The following USH1C variants were observed in gnomAD, a reference collection of about 807,000 sequenced individuals.
The protein encoded by USH1C is USH1 protein network component harmonin.
A neutral mutation model predicts 119.3 loss-of-function variants in USH1C; 90 were observed. That is an observed-to-expected ratio of 0.75 (90% CI 0.64 to 0.90). USH1C has a LOEUF of 0.90. Ranked by LOEUF, USH1C falls within the 40% of genes least tolerant of loss-of-function variation. The probability of loss-of-function intolerance (pLI) is 0.00; values close to 1 mark genes in which losing one functional copy is unlikely to be tolerated. For synonymous variants in USH1C, 465 were observed against 443.3 expected, an observed-to-expected ratio of 1.05 and a Z score of -0.62; for missense variants, 1,165 against 1,167.7, an observed-to-expected ratio of 1.00 and a Z score of 0.03.
chr11:17,505,381 G>A (rs1308564757), intron 19 of USH1C, among the ~76,000 whole-genome samples: 1 of 152,266 alleles, frequency 6.6e-6, no homozygotes, highest in Non-Finnish European at 1.5e-5. Flanking sequence ...GTGGGCTTTG[G>A]AGTATGAAAG....
At chr11:17,497,693 C>T (rs1010521236) in intron 24 of USH1C, among the ~76,000 whole-genome samples, 3 of 152,212 alleles carry the variant, frequency 2.0e-5, no homozygotes, top group Non-Finnish European at 4.4e-5. Flanking sequence ...AAGGGCACCC[C>T]CTCAGATTAT....
chr11:17,496,342 G>A (rs1849248964), intron 25 of USH1C, among the ~76,000 whole-genome samples: 1 of 152,174 alleles, frequency 6.6e-6, no homozygotes, highest in South Asian at 2.1e-4. Flanking sequence ...CTGCCTAGAG[G>A]CACAGTATGA....
At position 17,516,521 on chromosome 11, in the gene USH1C, G is replaced by C. The variant is rs1287100662; in HGVS notation, c.1211-231C>G. The C allele has an allele frequency of 1.1e-5, 6 of 568,824 alleles. No individual in the cohort carries two copies. The Admixed American group carries it at 1.7e-4, about 16-fold the overall frequency. 35.2% of individuals were successfully genotyped at this position (568,824 alleles called of 1,614,324 possible). A position where few individuals can be genotyped will look rare whatever the true frequency, so the allele number is the denominator to read the frequency against. ...GAAAAGCCCCGGTTCCCAGGCCCTG[G>C]GTCACTCTCAAATGCCTCTCCCCAG... On this transcript the variant is annotated intron_variant, in intron 14 of 26. Transcript: ENST00000005226.
chr11:17,523,863 A>G (rs555727317), intron 9 of USH1C, among the ~76,000 whole-genome samples: 1 of 152,318 alleles, frequency 6.6e-6, no homozygotes, highest in East Asian at 1.9e-4. Context: ...ATCACTTACA[A>G]TGTGCTTGGC....
At chr11:17,523,128 C>T (rs1282273242) in intron 11 of USH1C, 83 bp downstream of exon 11, 52 of 1,604,456 alleles carry the variant, frequency 3.2e-5, no homozygotes, top group Non-Finnish European at 4.4e-5. Flanking sequence ...ACCAGCCACC[C>T]TGGGAGTGTG....
Position 17,511,823 on chromosome 11 carries a change from C to G in USH1C, c.1413+79G>C, listed in dbSNP as rs919925700. 4 of 1,522,204 alleles carry G rather than the reference C, an allele frequency of 2.6e-6. No individual in the cohort carries two copies. The African/African-American group carries it at 5.6e-5, about 21-fold the overall frequency. The allele number at this position is 1,522,204 out of a possible 1,614,324, so 94.3% of individuals were successfully genotyped here. On this transcript the variant is annotated intron_variant, in intron 16 of 26. Coordinates refer to ENST00000005226, the MANE Select transcript of USH1C (RefSeq NM_153676.4). Reference sequence around the variant, plus strand: ...TGCCATTTGAGGAGAACAACTCCAGCTGGTCCTCTGGGAGCACATGGAGAA... The same window carrying G: ...TGCCATTTGAGGAGAACAACTCCAGGTGGTCCTCTGGGAGCACATGGAGAA...
intron 19 of USH1C, among the ~76,000 whole-genome samples, chr11:17,505,571 G>A (rs146281034): frequency 2.0e-4 from 31 of 152,344 alleles, no homozygotes; most frequent in African/African-American, 7.2e-4. Context: ...GCTCTTCACA[G>A]GTCGTAGCGA....
intron 14 of USH1C, 33 bp downstream of exon 14, chr11:17,520,837 C>T: frequency 6.2e-7 from 1 of 1,613,816 alleles, no homozygotes. Context: ...TGACTAGTTC[C>T]CTTAGCCTCT....
At position 17,523,482 on chromosome 11, in the gene USH1C, G is replaced by C. The variant is rs374167444; in HGVS notation, c.760-4C>G. 2.5e-6 allele frequency: 4 copies of C among 1,614,008 alleles called. No individual in the cohort carries two copies. The highest frequency in any genetic ancestry group is 3.4e-6 in the Non-Finnish European group (4 of 1,179,980). ...CTTCGACAATCTGGTCCCCTATCTGGTGGGGAAATGGAGAAAGATTAGTGT... is the reference window on the plus strand; with the variant it reads ...CTTCGACAATCTGGTCCCCTATCTGCTGGGGAAATGGAGAAAGATTAGTGT... On this transcript the variant is annotated splice_polypyrimidine_tract_variant and splice_region_variant and intron_variant, in intron 9 of 26. Coordinates refer to ENST00000005226, the MANE Select transcript of USH1C (RefSeq NM_153676.4).
chr11:17,501,639 C>A, intron 21 of USH1C, 104 bp from the exon 22 acceptor site: 5 of 1,342,658 alleles, frequency 3.7e-6, no homozygotes, highest in Non-Finnish European at 5.2e-6. Context: ...CTGGGCCCCA[C>A]AGAGCACATG....
At chr11:17,507,889 C>T (rs1849711315) in intron 18 of USH1C, among the ~76,000 whole-genome samples, 1 of 152,228 alleles carries the variant, frequency 6.6e-6, no homozygotes, top group African/African-American at 2.4e-5. Context: ...TGTCTTCAAT[C>T]TTCAGTTAGA....
At chr11:17,506,170 A>G (rs932898464) in intron 18 of USH1C, among the ~76,000 whole-genome samples, 1 of 152,154 alleles carries the variant, frequency 6.6e-6, no homozygotes, top group African/African-American at 2.4e-5. Context: ...GAGCGGCTCT[A>G]AGAAATTGGA....
chr11:17,521,321 A>G (rs776340441), intron 13 of USH1C, 25 bp downstream of exon 13: 7 of 1,613,136 alleles, frequency 4.3e-6, no homozygotes, highest in Non-Finnish European at 5.9e-6. Context: ...TCATGCACAG[A>G]CACGCGTGGA....
At chr11:17,514,411 G>A (rs897462339) in intron 15 of USH1C, 6 of 152,190 alleles carry the variant, frequency 3.9e-5, no homozygotes, top group African/African-American at 1.2e-4. Context: ...TAGAGACAGG[G>A]TTTCACCCTG....
chr11:17,516,309 A>G lies in USH1C; in HGVS notation c.1211-19T>C, dbSNP rs2133847534. On this transcript the variant is annotated intron_variant, in intron 14 of 26. Transcript: ENST00000005226. ...CCAAAAGCTATAAGACACAGATAAC[A>G]AAATGATGAGACACAGTTCAGCTCA... The G allele has an allele frequency of 6.2e-7, 1 of 1,611,174 alleles. No individual in the cohort carries two copies.
chr11:17,498,909 A>G (rs1033438355), intron 23 of USH1C, among the ~76,000 whole-genome samples: 2 of 152,364 alleles, frequency 1.3e-5, no homozygotes, highest in South Asian at 2.1e-4. Context: ...TTGGTTCACC[A>G]TAATATCCCC....
intron 1 of USH1C, chr11:17,533,529 G>C: frequency 1.6e-6 from 1 of 644,874 alleles, no homozygotes; most frequent in Non-Finnish European, 2.8e-6. Flanking sequence ...GGCCACAGGA[G>C]TACCGCTGCC....
At chr11:17,522,683 G>A in intron 12 of USH1C, 101 bp downstream of exon 12, 1 of 1,562,422 alleles carries the variant, frequency 6.4e-7, no homozygotes, top group South Asian at 1.1e-5. Context: ...CAGGGAGGAG[G>A]AGGAAGTTGG....
intron 18 of USH1C, among the ~76,000 whole-genome samples, chr11:17,507,352 T>C (rs932516404): frequency 6.6e-6 from 1 of 152,174 alleles, no homozygotes; most frequent in Non-Finnish European, 1.5e-5. Flanking sequence ...GTTGGGGGGC[T>C]TTTAACCTTC....
Sources: allele counts gnomAD v4.1 joint callset (sites outside exome capture counted in the v4.1 genomes callset), GRCh38; gene constraint gnomAD v4.1.1; transcripts MANE v1.5; gene names NCBI Gene and HGNC (gene_info 2026-07-23, HGNC 2026-07-21).